Variants in NCF2 observed in about 807,000 individuals in gnomAD.
The protein encoded by NCF2 is neutrophil cytosolic factor 2.
A neutral mutation model predicts 70.9 loss-of-function variants in NCF2; 45 were observed. The observed-to-expected ratio is 0.63, with a 90% CI of 0.50 to 0.81. NCF2 has a LOEUF of 0.81. NCF2 is among the 40% of genes least tolerant of loss of function. The probability of loss-of-function intolerance (pLI) is 0.00; values close to 1 mark genes in which losing one functional copy is unlikely to be tolerated. For missense variants in NCF2, 522 were observed against 631.6 expected (o/e 0.83, Z 1.86); for synonymous variants, 203 against 233.6 (o/e 0.87, Z 1.19).
chr1:183,599,474 C>CTTTCTTTCT, the NCF2 span, among the ~76,000 whole-genome samples: 1 of 136,966 alleles, frequency 7.3e-6, no homozygotes, highest in Non-Finnish European at 1.6e-5. Flanking sequence ...TTCTTTCTTT[C>CTTTCTTTCT]TTTCTTTCTC....
At position 183,590,322 on chromosome 1, in the gene NCF2, A is replaced by G; in HGVS notation, c.8T>C (p.Leu3Pro). ...ATTCCAGAGGCTGATGGCCTCCACCAGGGACATGATTAGGTAGAAACTAGG... is the reference window on the plus strand; with the variant it reads ...ATTCCAGAGGCTGATGGCCTCCACCGGGGACATGATTAGGTAGAAACTAGG... MS[L>P]VEAISLWNEG... The change falls in exon 1 of 15, where the codon CTG (leucine) becomes CCG (proline). Residue 3 changes from leucine to proline, a missense_variant. Transcript: ENST00000367535. The G allele has an allele frequency of 6.2e-7, 1 of 1,614,108 alleles. No individual in the cohort carries two copies. The highest frequency in any genetic ancestry group is 8.5e-7 in the Non-Finnish European group (1 of 1,179,994).
chr1:183,599,424 T>TTTCTTTCTTTCTTTCTTTC, the NCF2 span, among the ~76,000 whole-genome samples: 14 of 25,142 alleles, frequency 5.6e-4, no homozygotes, highest in African/African-American at 2.0e-3. Context: ...CTTTCTTTCC[T>TTTCTTTCTTTCTTTCTTTC]TCTTTCTTTC....
chr1:183,585,730 A>G (rs867839420), intron 2 of NCF2, among the ~76,000 whole-genome samples: 2 of 152,180 alleles, frequency 1.3e-5, no homozygotes, highest in Non-Finnish European at 2.9e-5. Context: ...CCATGCCCCA[A>G]AACATTTGAA....
In NCF2 at chr1:183,590,371, CAG is replaced by C. The variant is rs1368833094; in HGVS notation, c.-44_-43del. On this transcript the variant is annotated 5_prime_UTR_variant, in exon 1 of 15. Transcript: ENST00000367535. ...GGAGGCCAAGAGAGCTGCCAGGAGA[CAG>C]AGAGAAGACAGGTTGGAGCGTCTCC... 3 of 1,612,186 alleles carry C rather than the reference CAG, an allele frequency of 1.9e-6. No individual in the cohort carries two copies. Among genetic ancestry groups the C allele is most frequent in the East Asian group, 2.2e-5 (1 of 44,864 alleles).
intron 6 of NCF2, 75 bp from the exon 7 acceptor site, chr1:183,569,260 T>C: frequency 7.5e-7 from 1 of 1,326,580 alleles, no homozygotes; most frequent in Non-Finnish European, 1.1e-6. Context: ...AAACGGCTAA[T>C]GGTAATTTGA....
the NCF2 span, among the ~76,000 whole-genome samples, chr1:183,599,433 T>TCTTTCTTTCTTTCTTTCTTTCTTTCTTTC: frequency 4.3e-5 from 4 of 92,352 alleles, no homozygotes; most frequent in African/African-American, 1.5e-4. Flanking sequence ...CTTCTTTCTT[T>TCTTTCTTTCTTTCTTTCTTTCTTTCTTTC]CTTTCTTTCT....
In NCF2 at chr1:183,569,173, G is replaced by A. The variant is rs780442146; in HGVS notation, c.682C>T (p.Pro228Ser). ...APLQPQAAEPPPRPKTPEIFR... is the reference protein window; with the variant it reads ...APLQPQAAEPSPRPKTPEIFR... ...ATCTCTGGGGTTTTCGGTCTGGGTG[G>A]AGGCTCAGCTGCCTATTGAACATTC... The change falls in exon 7 of 15, where the codon CCA becomes TCA. Residue 228 changes from proline (P) to serine (S), a missense_variant. By Grantham distance (74) the Pro-to-Ser change is moderately conservative (BLOSUM62 -1). Coordinates refer to ENST00000367535, the MANE Select transcript of NCF2 (RefSeq NM_000433.4). The A allele has an allele frequency of 3.1e-6, 5 of 1,614,152 alleles. No homozygotes were observed. In the South Asian group the frequency reaches 5.5e-5, roughly 18 times the overall value.
chr1:183,564,337 C>T (rs531662382), intron 10 of NCF2, among the ~76,000 whole-genome samples: 21 of 152,282 alleles, frequency 1.4e-4, no homozygotes, highest in Admixed American at 2.6e-4. Flanking sequence ...ATTAAGCCCA[C>T]GGGATCCAAA....
At chr1:183,556,294 T>A in intron 14 of NCF2, 64 bp from the exon 15 acceptor site, 1 of 1,408,402 alleles carries the variant, frequency 7.1e-7, no homozygotes, top group Non-Finnish European at 1.0e-6. Context: ...CCTGTCTGGC[T>A]ATTCCACACA....
At chr1:183,576,508 A>G (rs1271448979) in intron 3 of NCF2, among the ~76,000 whole-genome samples, 1 of 152,212 alleles carries the variant, frequency 6.6e-6, no homozygotes, top group Non-Finnish European at 1.5e-5. Context: ...AGATGCCGTC[A>G]AAGTTCCCAC....
At chr1:183,560,829 C>T (rs1672012134) in intron 13 of NCF2, among the ~76,000 whole-genome samples, 1 of 152,208 alleles carries the variant, frequency 6.6e-6, no homozygotes, top group Admixed American at 6.5e-5. Context: ...TGAAACCTTA[C>T]AATAATCTTG....
intron 7 of NCF2, among the ~76,000 whole-genome samples, chr1:183,568,297 G>T (rs1672400177): frequency 6.6e-6 from 1 of 151,906 alleles, no homozygotes; most frequent in African/African-American, 2.4e-5. Context: ...CAAGTAGCTG[G>T]TATTACAGGC....
intron 13 of NCF2, among the ~76,000 whole-genome samples, chr1:183,561,936 A>G (rs1239807296): frequency 6.6e-6 from 1 of 151,500 alleles, no homozygotes. Context: ...CTGGGACTAC[A>G]GGTGCACACC....
intron 1 of NCF2, among the ~76,000 whole-genome samples, chr1:183,588,095 TCTC>T (rs1673451069): frequency 6.6e-6 from 1 of 152,196 alleles, no homozygotes; most frequent in Non-Finnish European, 1.5e-5. Flanking sequence ...TTCTTTGAGT[TCTC>T]CTAGTTTGAG....
At chr1:183,599,945 T>G in the NCF2 span, among the ~76,000 whole-genome samples, 5 of 152,324 alleles carry the variant, frequency 3.3e-5, no homozygotes, top group East Asian at 7.7e-4. Flanking sequence ...AAGATATTCC[T>G]TAGACAATTT....
chr1:183,591,816 G>A (rs1017422747), upstream of NCF2, among the ~76,000 whole-genome samples: 12 of 152,136 alleles, frequency 7.9e-5, no homozygotes, highest in Non-Finnish European at 1.5e-4. Flanking sequence ...CATTCATGAA[G>A]TTCAGAGGGG....
chr1:183,566,165 G>A (rs750044702), intron 9 of NCF2, among the ~76,000 whole-genome samples: 4 of 152,222 alleles, frequency 2.6e-5, no homozygotes, highest in Non-Finnish European at 4.4e-5. Context: ...GCTTTTCAAA[G>A]CATTTGGATA....
At chr1:183,599,249 T>C in the NCF2 span, among the ~76,000 whole-genome samples, 1 of 152,060 alleles carries the variant, frequency 6.6e-6, no homozygotes, top group African/African-American at 2.4e-5. Context: ...GGTGTCAAGG[T>C]GAGCACCTGT....
intron 7 of NCF2, among the ~76,000 whole-genome samples, chr1:183,568,416 C>T (rs1672404870): frequency 6.6e-6 from 1 of 152,052 alleles, no homozygotes; most frequent in Non-Finnish European, 1.5e-5. Context: ...ATCCGCCCAC[C>T]TCAGTCTCCC....
Sources: allele counts gnomAD v4.1 joint callset (sites outside exome capture counted in the v4.1 genomes callset), GRCh38; gene constraint gnomAD v4.1.1; transcripts MANE v1.5; gene names NCBI Gene and HGNC (gene_info 2026-07-23, HGNC 2026-07-21).